RAP2A: variants seen among roughly 807,000 people sequenced by gnomAD.
RAP2A encodes the protein RAP2A, member of RAS oncogene family.
Under a neutral mutation model 15.1 loss-of-function variants are expected in RAP2A, and 5 were observed. The observed-to-expected ratio is 0.33, with a 90% CI of 0.17 to 0.70. The LOEUF (loss-of-function observed/expected upper bound fraction) is 0.70. Among genes scored for constraint, RAP2A ranks in the 30% least tolerant of loss-of-function variants. The probability of loss-of-function intolerance (pLI) is 0.68; values close to 1 mark genes in which losing one functional copy is unlikely to be tolerated. For missense variants in RAP2A, 111 were observed against 240.3 expected (o/e 0.46, Z 3.56); for synonymous variants, 110 against 99.7 (o/e 1.10, Z -0.62).
At chr13:97,436,327 AC>A (rs925129198) in intron 1 of RAP2A, among the ~76,000 whole-genome samples, 3 of 151,716 alleles carry the variant, frequency 2.0e-5, no homozygotes, top group Non-Finnish European at 4.4e-5. Flanking sequence ...AATTCTTATT[AC>A]CCCCTCCCCC....
chr13:97,437,619 T>C (rs2066639902), intron 1 of RAP2A: 1 of 152,224 alleles, frequency 6.6e-6, no homozygotes, highest in African/African-American at 2.4e-5. Flanking sequence ...AAGAAATAAA[T>C]TTGTAATTGC....
chr13:97,450,742 G>A (rs1249855053), intron 1 of RAP2A, among the ~76,000 whole-genome samples: 1 of 151,606 alleles, frequency 6.6e-6, no homozygotes, highest in Admixed American at 6.6e-5. Flanking sequence ...GCTTCTATTT[G>A]CAAACACTTC....
At chr13:97,441,594 G>T (rs2066657817) in intron 1 of RAP2A, among the ~76,000 whole-genome samples, 1 of 151,882 alleles carries the variant, frequency 6.6e-6, no homozygotes, top group South Asian at 2.1e-4. Flanking sequence ...TTTTTCAGGG[G>T]TATTTTTTTC....
At position 97,445,138 on chromosome 13, in the gene RAP2A, C is replaced by A. The variant is rs565808209; in HGVS notation, c.314+10354C>A. ...AAGTCCCCACCTCTTCATTCTATCA[C>A]ATTGGGGATTAAATTTCAACATATG... On this transcript the variant is annotated intron_variant, in intron 1 of 1. Coordinates refer to ENST00000245304, the MANE Select transcript of RAP2A (RefSeq NM_021033.7). Among the ~76,000 whole-genome samples the A allele has an allele frequency of 1.6e-4, 25 of 152,296 alleles. 1 individual carries two copies. The South Asian group carries it at 4.8e-3, about 29-fold the overall frequency.
chr13:97,441,542 G>T (rs530308779), intron 1 of RAP2A, among the ~76,000 whole-genome samples: 2 of 152,156 alleles, frequency 1.3e-5, no homozygotes, highest in South Asian at 2.1e-4. Context: ...TTTAAGCAAG[G>T]ATCTTTACAT....
Position 97,453,305 on chromosome 13 carries a change from T to G in RAP2A, c.315-10900T>G, listed in dbSNP as rs931281697. Among the ~76,000 whole-genome samples the G allele has an allele frequency of 4.0e-5, 6 of 151,308 alleles. 1 individual carries two copies. The highest frequency in any genetic ancestry group is 1.5e-4 in the African/African-American group (6 of 41,020). On this transcript the variant is annotated intron_variant, in intron 1 of 1. Transcript: ENST00000245304. ...ATCACAAACAGAATATTGGCCTTGATACAGAACATTTCTATCACCACAGGA... is the reference window on the plus strand; with the variant it reads ...ATCACAAACAGAATATTGGCCTTGAGACAGAACATTTCTATCACCACAGGA...
Position 97,434,778 on chromosome 13 carries a change from T to C in RAP2A, c.308T>C (p.Val103Ala). The change falls in exon 1 of 2, where the codon GTG becomes GCG. Residue 103 changes from valine (V) to alanine (A), a missense_variant. Val to Ala is a moderately conservative substitution (Grantham distance 64). Around this residue, in one of 3 missense-constraint regions of RAP2A, gnomAD observed 74 missense variants for 132.3 expected, o/e 0.56. Transcript: ENST00000245304. ...CCCATGCGGGACCAGATCATCCGCG[T>C]GAAGCGGTGAGCGAGGGCACACGGG... Reference protein sequence around the residue: ...IKPMRDQIIRVKRYEKVPVIL... With the variant: ...IKPMRDQIIRAKRYEKVPVIL... The C allele has an allele frequency of 6.2e-7, 1 of 1,613,916 alleles. No individual in the cohort carries two copies. The highest frequency in any genetic ancestry group is 8.5e-7 in the Non-Finnish European group (1 of 1,179,930).
At position 97,440,652 on chromosome 13, in the gene RAP2A, TATTGAGGTATG is replaced by T. The variant is rs1425566363; in HGVS notation, c.314+5874_314+5884del. On this transcript the variant is annotated intron_variant, in intron 1 of 1. Transcript: ENST00000245304. ...ATCTTTTTTTCTTTAAAAACCACTT[TATTGAGGTATG>T]ATTGATGTACAAAAAGCCAGACATA... Among the ~76,000 whole-genome samples, 9 of 152,254 alleles carry T rather than the reference TATTGAGGTATG, an allele frequency of 5.9e-5. No individual in the cohort carries two copies. In the East Asian group the frequency reaches 1.7e-3, roughly 29 times the overall value.
In RAP2A at chr13:97,465,457, G is replaced by A. The variant is rs895095163; in HGVS notation, c.*1015G>A. ...AAGGGCTATGGTTGTAGTGTGACCC[G>A]TGGCTAACCTGCTTTCAAAATCAAG... On this transcript the variant is annotated 3_prime_UTR_variant, in exon 2 of 2. Transcript: ENST00000245304. 6.6e-5 allele frequency: 10 copies of A among 152,614 alleles called. No homozygotes were observed. Among genetic ancestry groups the A allele is most frequent in the Admixed American group, 4.6e-4 (7 of 15,276 alleles). 9.5% of individuals were successfully genotyped at this position (152,614 alleles called of 1,614,324 possible).
chr13:97,456,187 T>G (rs1345270034), intron 1 of RAP2A, among the ~76,000 whole-genome samples: 1 of 152,048 alleles, frequency 6.6e-6, no homozygotes, highest in Non-Finnish European at 1.5e-5. Flanking sequence ...CCCTTTACCC[T>G]GATCTTCTGG....
rs993231354 is a variant in RAP2A, at chr13:97,464,488, G to T, written c.*46G>T. ...GGATGGGATTTGCCCAATGTCGTAG[G>T]TGATAGAAAACTCGCCTACTCCACT... On this transcript the variant is annotated 3_prime_UTR_variant, in exon 2 of 2. Transcript: ENST00000245304. 4 of 1,582,436 alleles carry T rather than the reference G, an allele frequency of 2.5e-6. No homozygotes were observed. Among genetic ancestry groups the T allele is most frequent in the Non-Finnish European group, 3.5e-6 (4 of 1,152,948 alleles).
intron 1 of RAP2A, among the ~76,000 whole-genome samples, chr13:97,454,683 T>A (rs2066715757): frequency 6.6e-6 from 1 of 151,378 alleles, no homozygotes; most frequent in Non-Finnish European, 1.5e-5. Context: ...GAAAAAATAA[T>A]CTTATATTTA....
chr13:97,446,896 G>T (rs2153179538), intron 1 of RAP2A, among the ~76,000 whole-genome samples: 1 of 152,244 alleles, frequency 6.6e-6, no homozygotes, highest in African/African-American at 2.4e-5. Context: ...TGCCCAAATT[G>T]TTGACCCACA....
chr13:97,463,568 T>C (rs2066757409), intron 1 of RAP2A, among the ~76,000 whole-genome samples: 1 of 152,218 alleles, frequency 6.6e-6, no homozygotes, highest in Non-Finnish European at 1.5e-5. Flanking sequence ...TAGCTTCCAT[T>C]TGGATGATTT....
intron 1 of RAP2A, among the ~76,000 whole-genome samples, chr13:97,460,720 GA>G (rs2066742719): frequency 6.6e-6 from 1 of 151,978 alleles, no homozygotes; most frequent in Non-Finnish European, 1.5e-5. Flanking sequence ...AGCCTTCTTA[GA>G]ATGCCTTTCC....
chr13:97,441,689 CT>C, intron 1 of RAP2A: 1 of 412,244 alleles, frequency 2.4e-6, no homozygotes, highest in South Asian at 1.8e-5. Context: ...TTCTTTGCTT[CT>C]GTTTTGATTT....
At chr13:97,437,925 T>C (rs1213160449) in intron 1 of RAP2A, among the ~76,000 whole-genome samples, 2 of 152,224 alleles carry the variant, frequency 1.3e-5, no homozygotes, top group African/African-American at 4.8e-5. Flanking sequence ...TTAAGAAATG[T>C]GAAACTGACC....
Position 97,434,616 on chromosome 13 carries a change from C to T in RAP2A, c.146C>T (p.Ser49Leu), listed in dbSNP as rs2066624771. ...CGCAAGGAGATCGAGGTGGATTCGT[C>T]GCCGTCGGTGCTGGAGATCCTGGAC... ...FYRKEIEVDSSPSVLEILDTA... is the reference protein window; with the variant it reads ...FYRKEIEVDSLPSVLEILDTA... Residue 49 changes from serine (S) to leucine (L), a missense_variant, in exon 1 of 2, where the codon TCG becomes TTG. By Grantham distance (145) the Ser-to-Leu change is moderately radical. Coordinates refer to ENST00000245304, the MANE Select transcript of RAP2A (RefSeq NM_021033.7). 2 of 1,614,058 alleles carry T rather than the reference C, an allele frequency of 1.2e-6. No homozygotes were observed. The highest frequency in any genetic ancestry group is 2.2e-5 in the East Asian group (1 of 44,888).
At chr13:97,441,415 A>G (rs541813388) in intron 1 of RAP2A, among the ~76,000 whole-genome samples, 1 of 152,258 alleles carries the variant, frequency 6.6e-6, no homozygotes, top group East Asian at 1.9e-4. Flanking sequence ...GTTGGAATCT[A>G]TTTGCTAAAG....
Sources: allele counts gnomAD v4.1 joint callset (sites outside exome capture counted in the v4.1 genomes callset), GRCh38; gene constraint gnomAD v4.1.1; regional missense constraint gnomAD v4.1.1; transcripts MANE v1.5; gene names NCBI Gene and HGNC (gene_info 2026-07-23, HGNC 2026-07-21).